KCNAB2: variants seen among roughly 807,000 people sequenced by gnomAD.
KCNAB2 encodes voltage-gated potassium channel subunit beta-2.
A neutral mutation model predicts 63.6 loss-of-function variants in KCNAB2; 29 were observed. The ratio of observed to expected loss-of-function variants is 0.46; its 90% CI spans 0.34 to 0.62. KCNAB2 has a LOEUF of 0.62. Among genes scored for constraint, KCNAB2 ranks in the 20% least tolerant of loss-of-function variants. KCNAB2 has a pLI of 0.01. For synonymous variants in KCNAB2, 222 were observed against 224.2 expected, an observed-to-expected ratio of 0.99 and a Z score of 0.09; for missense variants, 359 against 563.9, an observed-to-expected ratio of 0.64 and a Z score of 3.68.
intron 1 of KCNAB2, among the ~76,000 whole-genome samples, chr1:6,026,964 C>A (rs1659229722): frequency 6.6e-6 from 1 of 152,226 alleles, no homozygotes. Flanking sequence ...CGTGGGTCCC[C>A]AGTCCCTCCT....
Position 6,073,268 on chromosome 1 carries a change from A to T in KCNAB2, c.263-465A>T, listed in dbSNP as rs139960890. On this transcript the variant is annotated intron_variant, in intron 3 of 15. Transcript: ENST00000378083. This position sits in a 1 kb window ranked among gnomAD's most constrained non-coding sequence, Gnocchi z 5.7. ...CTCTGCATGCAGTACACACACCCCCACACACACACCGCCCACTGCAGTACA... is the reference window on the plus strand; with the variant it reads ...CTCTGCATGCAGTACACACACCCCCTCACACACACCGCCCACTGCAGTACA... 2.7e-5 allele frequency among the ~76,000 whole-genome samples: 4 copies of T among 150,180 alleles called. No homozygotes were observed. The highest frequency in any genetic ancestry group is 4.4e-5 in the Non-Finnish European group (3 of 67,562).
At chr1:6,067,402 G>T (rs1157088648) in intron 2 of KCNAB2, among the ~76,000 whole-genome samples, 1 of 152,210 alleles carries the variant, frequency 6.6e-6, no homozygotes, top group Non-Finnish European at 1.5e-5. Context: ...TTTATAGCTG[G>T]TATGGGTGCC....
intron 1 of KCNAB2, among the ~76,000 whole-genome samples, chr1:6,027,022 A>G (rs1281782030): frequency 6.6e-6 from 1 of 152,160 alleles, no homozygotes; most frequent in East Asian, 1.9e-4. Flanking sequence ...GTGGGGGATA[A>G]AGACCCCTCA....
chr1:6,079,239 A>C (rs1029067144), intron 4 of KCNAB2, among the ~76,000 whole-genome samples: 2 of 151,904 alleles, frequency 1.3e-5, no homozygotes, highest in African/African-American at 4.8e-5. Context: ...ACAAACTCCT[A>C]AACACCCTTC....
At chr1:6,098,417 C>T in intron 15 of KCNAB2, 68 bp from the exon 16 acceptor site, 1 of 1,596,802 alleles carries the variant, frequency 6.3e-7, no homozygotes, top group South Asian at 1.1e-5. Context: ...GAGCCTGGCC[C>T]CACCTCCTCC....
intron 1 of KCNAB2, among the ~76,000 whole-genome samples, chr1:6,019,545 C>T (rs1328517499): frequency 6.6e-6 from 1 of 152,178 alleles, no homozygotes; most frequent in Non-Finnish European, 1.5e-5. Context: ...CAGAGAGAAA[C>T]TGTGCCGAAT....
chr1:6,025,333 G>A (rs966350344), intron 1 of KCNAB2, among the ~76,000 whole-genome samples: 3 of 152,068 alleles, frequency 2.0e-5, no homozygotes, highest in African/African-American at 4.8e-5. Flanking sequence ...GCAGGTGGCT[G>A]GCACCATGGG....
upstream of KCNAB2, among the ~76,000 whole-genome samples, chr1:6,033,379 G>A (rs1180975374): frequency 4.0e-5 from 6 of 151,038 alleles, no homozygotes; most frequent in African/African-American, 9.7e-5. Context: ...ATATGTGTGC[G>A]TGTATGTGTG....
chr1:6,046,744 A>G (rs1038417242), intron 1 of KCNAB2, among the ~76,000 whole-genome samples: 3 of 152,066 alleles, frequency 2.0e-5, no homozygotes, highest in Non-Finnish European at 2.9e-5. Context: ...CTCCCCTTCC[A>G]TTTCCGCTTT....
At chr1:6,058,806 C>G (rs573134626) in intron 2 of KCNAB2, among the ~76,000 whole-genome samples, 11 of 152,348 alleles carry the variant, frequency 7.2e-5, no homozygotes, top group African/African-American at 2.6e-4. Flanking sequence ...GACGCAGGGG[C>G]TGGGAGAAAG....
At chr1:6,013,459 G>C (rs730382) in intron 1 of KCNAB2, among the ~76,000 whole-genome samples, 126,344 of 152,066 alleles carry the variant, frequency 0.83, 52,951 homozygotes, top group Non-Finnish European at 0.9. Flanking sequence ...AAACAACCAC[G>C]CAATCCAGGG....
chr1:6,004,072 AC>A (rs903863873), intron 1 of KCNAB2, among the ~76,000 whole-genome samples: 18 of 152,160 alleles, frequency 1.2e-4, no homozygotes, highest in Non-Finnish European at 2.5e-4. Flanking sequence ...TGGATCACAA[AC>A]GCAAATACAG....
rs1259561926 is a variant in KCNAB2, at chr1:6,004,227, GT to G, written c.-53+11454del. 1.0e-2 allele frequency among the ~76,000 whole-genome samples: 1,411 copies of G among 141,294 alleles called. 4 individuals carry two copies. Among genetic ancestry groups the G allele is most frequent in the African/African-American group, 0.023 (895 of 38,692 alleles). 92.7% of individuals were successfully genotyped at this position (141,294 alleles called of 152,430 possible). ...TCATAGAACCTGCTCTGGTTAGAGG[GT>G]TTTTTTTTTTTTTTAAGAGACACGA... On this transcript the variant is annotated intron_variant, in intron 1 of 16. Coordinates refer to the KCNAB2 transcript ENST00000341524.
upstream of KCNAB2, among the ~76,000 whole-genome samples, chr1:6,033,282 T>G (rs925565309): frequency 7.6e-6 from 1 of 132,064 alleles, no homozygotes; most frequent in African/African-American, 2.5e-5. Flanking sequence ...CATGTGCGTG[T>G]GTGGGCATGT....
At chr1:6,095,233 G>A (rs1452095130) in intron 11 of KCNAB2, 90 bp from the exon 12 acceptor site, 2 of 1,390,620 alleles carry the variant, frequency 1.4e-6, no homozygotes, top group African/African-American at 1.4e-5. Flanking sequence ...CCTGCTCCGG[G>A]GACACCTTGG....
intron 10 of KCNAB2, among the ~76,000 whole-genome samples, chr1:6,094,077 A>G (rs1481396420): frequency 1.3e-5 from 2 of 152,194 alleles, no homozygotes; most frequent in African/African-American, 4.8e-5. Context: ...GTCCAGAGCC[A>G]CATTCTTTGA....
chr1:6,040,710 C>T, intron 2 of KCNAB2: 3 of 1,003,672 alleles, frequency 3.0e-6, no homozygotes, highest in Non-Finnish European at 4.7e-6. Flanking sequence ...GACGGGTTCC[C>T]AAGGCCACTG....
chr1:6,022,257 G>C (rs1658883657), intron 1 of KCNAB2, among the ~76,000 whole-genome samples: 2 of 151,860 alleles, frequency 1.3e-5, no homozygotes, highest in South Asian at 2.1e-4. Context: ...CAGTGGTATT[G>C]AGTGTATAGT....
At chr1:6,023,957 G>A (rs77363688) in intron 1 of KCNAB2, among the ~76,000 whole-genome samples, 1 of 139,802 alleles carries the variant, frequency 7.2e-6, no homozygotes, top group Non-Finnish European at 1.6e-5. Flanking sequence ...TTTTTTTTTC[G>A]AGATGGAAAG....
Sources: gnomAD v4.1 joint callset for allele counts (sites outside exome capture counted in the v4.1 genomes callset) on GRCh38, gnomAD v4.1.1 for gene constraint, Gnocchi (gnomAD v3.1) non-coding constraint, MANE v1.5 for transcripts, NCBI Gene and HGNC (gene_info 2026-07-23, HGNC 2026-07-21) for gene names.